PCNT: variants seen among roughly 807,000 people sequenced by gnomAD.
The protein encoded by PCNT is pericentrin.
In PCNT, 319 loss-of-function variants were observed where a neutral mutation model predicts 380.4. The ratio of observed to expected loss-of-function variants is 0.84; its 90% CI spans 0.77 to 0.92. The LOEUF (loss-of-function observed/expected upper bound fraction) is 0.92, where lower values mean the gene tolerates loss of function less well. Ranked by LOEUF, PCNT falls within the 40% of genes least tolerant of loss-of-function variation. The pLI, the probability that PCNT is intolerant of heterozygous loss-of-function variation, is 0.00. For missense variants in PCNT, 4,400 were observed against 4,255.3 expected (o/e 1.03, Z -0.95); for synonymous variants, 1,845 against 1,735.2 (o/e 1.06, Z -1.57).
At chr21:46,355,649 T>C in intron 12 of PCNT, 23 bp downstream of exon 12, 1 of 1,612,004 alleles carries the variant, frequency 6.2e-7, no homozygotes. Flanking sequence ...CGCCTCGCCA[T>C]GGTGTCGGCA....
In PCNT at chr21:46,357,015, T is replaced by G. The variant is rs748570160; in HGVS notation, c.1978T>G (p.Leu660Val). The change falls in exon 13 of 47, where the codon TTG becomes GTG. Residue 660 changes from leucine (L) to valine (V), a missense_variant. By Grantham distance (32) the Leu-to-Val change is conservative. Coordinates refer to ENST00000359568, the MANE Select transcript of PCNT (RefSeq NM_006031.6). ...TCTCCAGGGTGTGCAGGACGGGGAC[T>G]TGGAGGCCGACACAGAGCGGGCAGC... Reference protein sequence around the residue: ...VHLQGVQDGDLEADTERAARV... With the variant: ...VHLQGVQDGDVEADTERAARV... 1 of 1,614,178 alleles carries G rather than the reference T, an allele frequency of 6.2e-7. No individual in the cohort carries two copies. Among genetic ancestry groups the G allele is most frequent in the Non-Finnish European group, 8.5e-7 (1 of 1,180,032 alleles).
chr21:46,423,704 G>A, intron 32 of PCNT, among the ~76,000 whole-genome samples: 1 of 97,350 alleles, frequency 1.0e-5, no homozygotes, highest in African/African-American at 4.2e-5. Context: ...AGAGGAGGAG[G>A]GGGAGAGGAG....
intron 3 of PCNT, among the ~76,000 whole-genome samples, 198 bp from the exon 4 acceptor site, chr21:46,345,930 A>C (rs1456189275): frequency 6.6e-6 from 1 of 152,194 alleles, no homozygotes; most frequent in Non-Finnish European, 1.5e-5. Flanking sequence ...TTGTGGCTGA[A>C]TGGCAGCCCA....
intron 28 of PCNT, 151 bp downstream of exon 28, chr21:46,412,218 G>A (rs1602009195): frequency 1.2e-6 from 1 of 832,946 alleles, no homozygotes. Context: ...TGAAGCTCGG[G>A]CCAGCCTGGG....
At chr21:46,336,194 C>T (rs1355693207) in intron 3 of PCNT, among the ~76,000 whole-genome samples, 1 of 152,054 alleles carries the variant, frequency 6.6e-6, no homozygotes, top group Non-Finnish European at 1.5e-5. Context: ...TCAGACTGGT[C>T]TCGAACTCCT....
Position 46,437,059 on chromosome 21 carries a change from TG to T in PCNT, c.9078del (p.Ser3027AlafsTer23), listed in dbSNP as rs1314755734. ...LHTLEELKSD[L>X]SRPTSSQKKM... ...ACGTTGGAGGAGCTGAAGTCTGACTTGAGCAGGCCCACCTCCTCCCAGGTAA... is the reference window on the plus strand; with the variant it reads ...ACGTTGGAGGAGCTGAAGTCTGACTTAGCAGGCCCACCTCCTCCCAGGTAA... On this transcript the variant is annotated frameshift_variant, in exon 40 of 47. Transcript: ENST00000359568. LOFTEE classifies it high-confidence loss of function. 3 of 1,613,994 alleles carry T rather than the reference TG, an allele frequency of 1.9e-6. No individual in the cohort carries two copies. The highest frequency in any genetic ancestry group is 2.5e-6 in the Non-Finnish European group (3 of 1,179,900).
At chr21:46,387,164 C>T (rs1452961162) in intron 17 of PCNT, among the ~76,000 whole-genome samples, 2 of 152,214 alleles carry the variant, frequency 1.3e-5, no homozygotes, top group Non-Finnish European at 2.9e-5. Flanking sequence ...ACCCTCTGAG[C>T]TCACAGCTGT....
chr21:46,422,179 C>A, intron 32 of PCNT, 55 bp downstream of exon 32: 2 of 1,602,810 alleles, frequency 1.2e-6, no homozygotes, highest in Non-Finnish European at 1.7e-6. Context: ...TCGGGGCATC[C>A]CCCAAGCCCT....
chr21:46,371,435 G>A (rs957617884), intron 15 of PCNT, among the ~76,000 whole-genome samples: 5 of 152,018 alleles, frequency 3.3e-5, no homozygotes, highest in African/African-American at 9.7e-5. Flanking sequence ...TGATCCTCCC[G>A]CCTTGGCCTC....
At chr21:46,410,490 G>A (rs1040328289) in intron 27 of PCNT, among the ~76,000 whole-genome samples, 6 of 152,240 alleles carry the variant, frequency 3.9e-5, no homozygotes, top group Admixed American at 6.5e-5. Context: ...GTTATCTTAA[G>A]AGAATAGAGT....
intron 15 of PCNT, among the ~76,000 whole-genome samples, chr21:46,380,177 T>TG (rs2085476728): frequency 1.4e-5 from 1 of 69,756 alleles, no homozygotes; most frequent in Non-Finnish European, 2.9e-5. Flanking sequence ...TTTTTTTTTT[T>TG]TTTTTTGAGA....
chr21:46,343,174 G>A (rs1015833780), intron 3 of PCNT, among the ~76,000 whole-genome samples: 5 of 152,058 alleles, frequency 3.3e-5, no homozygotes, highest in African/African-American at 9.7e-5. Flanking sequence ...TTGTCTGATT[G>A]CTCTGGCTAG....
rs1418874299 is a variant in PCNT at position 46,363,369 on chromosome 21, G to GGTGT, written c.2155-103_2155-100dup. 8.8e-6 allele frequency: 7 copies of GGTGT among 791,084 alleles called. No individual in the cohort carries two copies. The African/African-American group carries it at 1.2e-4, about 13-fold the overall frequency. The allele number at this position is 791,084 out of a possible 1,614,324, so 49.0% of individuals were successfully genotyped here. Reference sequence around the variant, plus strand: ...TCCTGTTGCTGTGTGCAGCGTAATGGGTGTGTGTGTGGTGAAAATTCCCTG... The same window carrying GGTGT: ...TCCTGTTGCTGTGTGCAGCGTAATGGGTGTGTGTGTGTGTGGTGAAAATTCCCTG... On this transcript the variant is annotated intron_variant, in intron 13 of 46. Coordinates refer to ENST00000359568, the MANE Select transcript of PCNT (RefSeq NM_006031.6).
At chr21:46,341,578 G>C (rs1704376219) in intron 3 of PCNT, among the ~76,000 whole-genome samples, 1 of 151,838 alleles carries the variant, frequency 6.6e-6, no homozygotes, top group Non-Finnish European at 1.5e-5. Context: ...TATTGACCAG[G>C]GTAGGCTCTA....
intron 30 of PCNT, 110 bp from the exon 31 acceptor site, chr21:46,418,094 G>T: frequency 1.4e-6 from 1 of 706,736 alleles, no homozygotes. Context: ...GTTTCATCTG[G>T]GGTCTATGTG....
rs1404808618 is a variant in PCNT, at chr21:46,366,642, C to T, written c.2668C>T (p.Leu890=). The change falls in exon 15 of 47, where the codon CTG becomes TTG. Residue 890 remains leucine, a synonymous_variant. Transcript: ENST00000359568. ...EKFSAEQDAF[L]QEAQEQHARE... is the part of the protein sequence containing the mutation. ...ATTCAGTGCGGAACAAGATGCCTTC[C>T]TGCAGGAGGCCCAGGAGCAGCATGC... is the stretch of plus-strand genomic sequence containing the variant. 2 of 1,614,048 alleles carry T rather than the reference C, an allele frequency of 1.2e-6. No homozygotes were observed. Among genetic ancestry groups the T allele is most frequent in the Admixed American group, 3.3e-5 (2 of 60,018 alleles).
chr21:46,428,737 A>C, intron 35 of PCNT, 147 bp downstream of exon 35: 1 of 784,096 alleles, frequency 1.3e-6, no homozygotes, highest in Non-Finnish European at 2.1e-6. Context: ...AGCTGATAGG[A>C]CTGAGCAGAA....
At chr21:46,386,353 G>T (rs1263372403) in intron 17 of PCNT, among the ~76,000 whole-genome samples, 1 of 152,246 alleles carries the variant, frequency 6.6e-6, no homozygotes, top group Non-Finnish European at 1.5e-5. Flanking sequence ...AGGCCCACAT[G>T]TCTCGTGGTT....
At chr21:46,401,776 C>G in intron 26 of PCNT, 55 bp downstream of exon 26, 2 of 1,558,072 alleles carry the variant, frequency 1.3e-6, no homozygotes, top group South Asian at 2.2e-5. Flanking sequence ...GTCCAGTGGG[C>G]TTCTCTGTGG....
Sources: allele counts gnomAD v4.1 joint callset (sites outside exome capture counted in the v4.1 genomes callset), GRCh38; gene constraint gnomAD v4.1.1; transcripts MANE v1.5; gene names NCBI Gene and HGNC (gene_info 2026-07-23, HGNC 2026-07-21).